PUM3: variants seen among roughly 807,000 people sequenced by gnomAD.
The protein encoded by PUM3 is pumilio homolog 3.
Under a neutral mutation model 84.0 loss-of-function variants are expected in PUM3, and 91 were observed. That is an observed-to-expected ratio of 1.08 (90% CI 0.91 to 1.29). The LOEUF is 1.29. PUM3 is among the 50% of genes most tolerant of loss of function. PUM3 has a pLI of 0.00. For synonymous variants in PUM3, 321 were observed against 266.7 expected, an observed-to-expected ratio of 1.20 and a Z score of -1.98; for missense variants, 1,067 against 767.5, an observed-to-expected ratio of 1.39 and a Z score of -4.61.
intron 13 of PUM3, among the ~76,000 whole-genome samples, chr9:2,818,282 G>A (rs1411744575): frequency 1.3e-5 from 2 of 152,220 alleles, no homozygotes; most frequent in African/African-American, 4.8e-5. Flanking sequence ...GGCAAATCAG[G>A]CCATTCAGGG....
Position 2,833,352 on chromosome 9 carries a change from CT to C in PUM3, c.516+4del, listed in dbSNP as rs779037724. On this transcript the variant is annotated splice_donor_region_variant and intron_variant, in intron 5 of 17. Coordinates refer to ENST00000397885, the MANE Select transcript of PUM3 (RefSeq NM_014878.5). ...AAATTGCAACAATGAGTATATGCTACTTACAGTTTTAATTTTCCCTTGAATC... is the reference window on the plus strand; with the variant it reads ...AAATTGCAACAATGAGTATATGCTACTACAGTTTTAATTTTCCCTTGAATC... 2.0e-6 allele frequency: 3 copies of C among 1,536,284 alleles called. No homozygotes were observed. The highest frequency in any genetic ancestry group is 2.3e-5 in the South Asian group (2 of 88,064).
intron 1 of PUM3, among the ~76,000 whole-genome samples, chr9:2,839,169 C>T (rs1256728105): frequency 1.3e-5 from 2 of 152,208 alleles, no homozygotes; most frequent in African/African-American, 2.4e-5. Context: ...GCTACTGAGA[C>T]ACCATGGTGC....
intron 5 of PUM3, 21 bp from the exon 6 acceptor site, chr9:2,831,365 T>C (rs759996209): frequency 6.9e-7 from 1 of 1,457,760 alleles, no homozygotes; most frequent in South Asian, 1.2e-5. Flanking sequence ...AAGTTTGAGT[T>C]AGACTAATTC....
chr9:2,807,689 C>G, intron 17 of PUM3, 125 bp downstream of exon 17: 1 of 594,722 alleles, frequency 1.7e-6, no homozygotes, highest in Non-Finnish European at 3.0e-6. Flanking sequence ...TTGTCTAGAC[C>G]ATGAGTGACT....
Position 2,837,238 on chromosome 9 carries a change from GA to G in PUM3, c.245del (p.Phe82SerfsTer39). The G allele has an allele frequency of 6.2e-7, 1 of 1,614,068 alleles. No homozygotes were observed. The highest frequency in any genetic ancestry group is 8.5e-7 in the Non-Finnish European group (1 of 1,179,972). ...QQGDKSPKNK[F>X]QPANKFNKKR... is the part of the protein sequence containing the mutation. The stretch of plus-strand genomic sequence containing the variant: ...TCTTGTTGAATTTATTTGCCGGCTG[GA>G]ATTTGTTCTTTGGTGATTTGTCCCC... On this transcript the variant is annotated frameshift_variant, in exon 3 of 18. Transcript: ENST00000397885. LOFTEE classifies it high-confidence loss of function.
At chr9:2,815,207 T>C (rs956522262) in intron 13 of PUM3, among the ~76,000 whole-genome samples, 1 of 152,216 alleles carries the variant, frequency 6.6e-6, no homozygotes, top group East Asian at 1.9e-4. Context: ...AAAAAACATT[T>C]CTTCAAAATG....
intron 9 of PUM3, 40 bp downstream of exon 9, chr9:2,828,635 A>C: frequency 8.3e-7 from 1 of 1,207,568 alleles, no homozygotes; most frequent in Non-Finnish European, 1.2e-6. Flanking sequence ...CCTCCTTTGA[A>C]TGTCATTTCT....
intron 3 of PUM3, among the ~76,000 whole-genome samples, chr9:2,835,080 T>C (rs1405120825): frequency 6.6e-6 from 1 of 151,994 alleles, no homozygotes; most frequent in African/African-American, 2.4e-5. Context: ...CTGATAATTT[T>C]CCCCTTGCTT....
At chr9:2,840,651 G>A (rs577705022) in intron 1 of PUM3, among the ~76,000 whole-genome samples, 2 of 152,254 alleles carry the variant, frequency 1.3e-5, no homozygotes, top group African/African-American at 4.8e-5. Context: ...CAATACCACT[G>A]TTATTTTGTT....
At chr9:2,826,311 G>A (rs1035559398) in intron 10 of PUM3, among the ~76,000 whole-genome samples, 1 of 152,126 alleles carries the variant, frequency 6.6e-6, no homozygotes, top group Non-Finnish European at 1.5e-5. Flanking sequence ...GTGGGATACT[G>A]TATTTTTCAG....
chr9:2,822,734 AATATAATGTT>A (rs967765307), intron 12 of PUM3, among the ~76,000 whole-genome samples: 1,820 of 147,426 alleles, frequency 0.012, 30 homozygotes, highest in African/African-American at 0.043. Context: ...ATAACATAAT[AATATAATGTT>A]ATATAATATA....
chr9:2,833,480 T>C, intron 4 of PUM3, 48 bp from the exon 5 acceptor site: 1 of 1,067,510 alleles, frequency 9.4e-7, no homozygotes, highest in South Asian at 1.4e-5. Flanking sequence ...AAGAAGTTAT[T>C]TTAAACACAC....
At chr9:2,843,652 C>A (rs1007668953) in intron 1 of PUM3, among the ~76,000 whole-genome samples, 1 of 146,114 alleles carries the variant, frequency 6.8e-6, no homozygotes, top group Non-Finnish European at 1.5e-5. Flanking sequence ...GATCTTGGCT[C>A]ACTGCAAGCT....
Position 2,837,245 on chromosome 9 carries a change from T to A in PUM3, c.239A>T (p.Asn80Ile). The change falls in exon 3 of 18, where the codon AAC (asparagine) becomes ATC (isoleucine). Residue 80 changes from asparagine (N) to isoleucine (I), a missense_variant. Coordinates refer to ENST00000397885, the MANE Select transcript of PUM3 (RefSeq NM_014878.5). ...NKQQGDKSPK[N>I]KFQPANKFNK... Reference sequence around the variant, plus strand: ...GAATTTATTTGCCGGCTGGAATTTGTTCTTTGGTGATTTGTCCCCTTGCTG... The same window carrying A: ...GAATTTATTTGCCGGCTGGAATTTGATCTTTGGTGATTTGTCCCCTTGCTG... 6.2e-7 allele frequency: 1 copy of A among 1,614,150 alleles called. No individual in the cohort carries two copies. Among genetic ancestry groups the A allele is most frequent in the Non-Finnish European group, 8.5e-7 (1 of 1,179,976 alleles).
chr9:2,842,515 A>G (rs530099376), intron 1 of PUM3, among the ~76,000 whole-genome samples: 1 of 152,004 alleles, frequency 6.6e-6, no homozygotes, highest in South Asian at 2.1e-4. Flanking sequence ...CTACCAACAC[A>G]ATTTCTACCC....
chr9:2,821,456 A>AAAAAAAAAAAAAAAAAC, intron 12 of PUM3, among the ~76,000 whole-genome samples: 1 of 150,724 alleles, frequency 6.6e-6, no homozygotes, highest in Non-Finnish European at 1.5e-5. Flanking sequence ...AAAAAAAAAA[A>AAAAAAAAAAAAAAAAAC]AAAAAAGAAC....
chr9:2,814,723 C>CA (rs1821437539), intron 13 of PUM3, among the ~76,000 whole-genome samples: 2 of 152,022 alleles, frequency 1.3e-5, no homozygotes, highest in African/African-American at 4.8e-5. Flanking sequence ...AAAACAAAAA[C>CA]AAAAACAAAA....
chr9:2,841,949 A>G (rs1481212384), intron 1 of PUM3, among the ~76,000 whole-genome samples: 1 of 152,178 alleles, frequency 6.6e-6, no homozygotes, highest in Non-Finnish European at 1.5e-5. Context: ...TATCTTACAG[A>G]AAAGTCCTGT....
chr9:2,811,635 T>C (rs1821376908), intron 14 of PUM3, 52 bp from the exon 15 acceptor site: 5 of 1,357,876 alleles, frequency 3.7e-6, no homozygotes, highest in Non-Finnish European at 5.2e-6. Context: ...GCAAAGGAAA[T>C]GTGGTGATAT....
Sources: allele counts gnomAD v4.1 joint callset (sites outside exome capture counted in the v4.1 genomes callset), GRCh38; gene constraint gnomAD v4.1.1; transcripts MANE v1.5; gene names NCBI Gene and HGNC (gene_info 2026-07-23, HGNC 2026-07-21).